GSE1: variants seen among roughly 807,000 people sequenced by gnomAD.
The protein encoded by GSE1 is Gse1 coiled-coil protein.
Under a neutral mutation model 112.6 loss-of-function variants are expected in GSE1, and 32 were observed. The observed-to-expected ratio is 0.28, with a 90% CI of 0.21 to 0.38. The LOEUF is 0.38. Among genes scored for constraint, GSE1 ranks in the 10% least tolerant of loss-of-function variants. The pLI is 1.00. For synonymous variants in GSE1, 1,115 were observed against 735.6 expected, an observed-to-expected ratio of 1.52 and a Z score of -8.35; for missense variants, 2,348 against 1,699.2, an observed-to-expected ratio of 1.38 and a Z score of -6.71.
chr16:85,520,867 G>T (rs77246309), intron 2 of GSE1, among the ~76,000 whole-genome samples: 3,921 of 152,276 alleles, frequency 0.026, 80 homozygotes, highest in South Asian at 0.1. Context: ...AAACAGGGCA[G>T]CGTCCTAAGT....
chr16:85,481,835 T>A (rs2050689767), intron 2 of GSE1, among the ~76,000 whole-genome samples: 1 of 152,114 alleles, frequency 6.6e-6, no homozygotes, highest in Non-Finnish European at 1.5e-5. Flanking sequence ...GGCCCAGAGA[T>A]GTTATTTGTG....
intron 1 of GSE1, among the ~76,000 whole-genome samples, chr16:85,356,546 G>A (rs775591686): frequency 3.3e-5 from 5 of 152,220 alleles, no homozygotes; most frequent in Admixed American, 6.5e-5. Flanking sequence ...AGCTTGTGGC[G>A]TAGAGCTGGT....
chr16:85,179,915 C>T (rs2074546949), intron 1 of GSE1, among the ~76,000 whole-genome samples: 1 of 152,222 alleles, frequency 6.6e-6, no homozygotes, highest in East Asian at 1.9e-4. Context: ...GTTTTCCCCT[C>T]TGGAAAATGG....
At chr16:85,645,550 C>T (rs760082861) in intron 2 of GSE1, among the ~76,000 whole-genome samples, 1 of 151,124 alleles carries the variant, frequency 6.6e-6, no homozygotes, top group Non-Finnish European at 1.5e-5. Flanking sequence ...AGTTCTGTTT[C>T]CACATCGGGA....
At chr16:85,195,087 C>A (rs1167638816) in intron 1 of GSE1, among the ~76,000 whole-genome samples, 1 of 152,118 alleles carries the variant, frequency 6.6e-6, no homozygotes, top group Non-Finnish European at 1.5e-5. Flanking sequence ...CAGGCATGTA[C>A]CTCTGCCTAC....
At chr16:85,506,303 A>G (rs117752856) in intron 2 of GSE1, among the ~76,000 whole-genome samples, 1,742 of 152,286 alleles carry the variant, frequency 0.011, 21 homozygotes, top group Admixed American at 0.02. Context: ...TTTTATTTCA[A>G]TAATTTAAAT....
chr16:85,169,569 G>A (rs2074326850), exon 1 of GSE1: 1 of 979,362 alleles, frequency 1.0e-6, no homozygotes, highest in African/African-American at 1.8e-5. Flanking sequence ...AGCGGCTCAT[G>A]GCAGCCGTGG....
intron 1 of GSE1, among the ~76,000 whole-genome samples, chr16:85,261,294 G>T (rs1907658118): frequency 6.6e-6 from 1 of 152,016 alleles, no homozygotes; most frequent in African/African-American, 2.4e-5. Context: ...GGGGGCAGGA[G>T]GCCTGGTGCC....
chr16:85,170,354 A>G (rs896436003), exon 1 of GSE1: 22 of 985,278 alleles, frequency 2.2e-5, no homozygotes, highest in African/African-American at 3.5e-5. Flanking sequence ...AGCATTCAGG[A>G]TCCCTGGCAA....
At chr16:85,301,923 G>A (rs1304209261) in intron 1 of GSE1, among the ~76,000 whole-genome samples, 1 of 152,210 alleles carries the variant, frequency 6.6e-6, no homozygotes, top group Non-Finnish European at 1.5e-5. Flanking sequence ...TGGAAATCAG[G>A]GTGCAGACCA....
At chr16:85,384,414 C>G (rs1030068897) in intron 2 of GSE1, among the ~76,000 whole-genome samples, 4 of 152,244 alleles carry the variant, frequency 2.6e-5, no homozygotes, top group African/African-American at 9.6e-5. Context: ...ACCATTCTCT[C>G]AACCTCTCTG....
intron 2 of GSE1, among the ~76,000 whole-genome samples, chr16:85,515,914 G>A (rs1187737372): frequency 6.6e-6 from 1 of 152,178 alleles, no homozygotes; most frequent in Non-Finnish European, 1.5e-5. Context: ...GTTCCCACCC[G>A]GAGCCTGGGA....
chr16:85,217,594 G>T (rs2075325445), intron 1 of GSE1, among the ~76,000 whole-genome samples: 1 of 152,222 alleles, frequency 6.6e-6, no homozygotes. Context: ...GGGGGATGAT[G>T]CCCTTGCCTG....
At chr16:85,544,930 G>A (rs2044645573) in intron 2 of GSE1, among the ~76,000 whole-genome samples, 1 of 152,248 alleles carries the variant, frequency 6.6e-6, no homozygotes, top group Non-Finnish European at 1.5e-5. Flanking sequence ...CTGTCACGGT[G>A]TCCACAGATG....
rs559917914 is a variant in GSE1, at chr16:85,519,980, T to C, written c.2465-113934T>C. Among the ~76,000 whole-genome samples, 6 of 152,216 alleles carry C rather than the reference T, an allele frequency of 3.9e-5. No individual in the cohort carries two copies. The South Asian group carries it at 8.3e-4, about 21-fold the overall frequency. Reference sequence around the variant, plus strand: ...GCTTCTCCTTATGACCCACGGTGCTTTGGGGCTTCTGGCCCTTCTGGGTGC... The same window carrying C: ...GCTTCTCCTTATGACCCACGGTGCTCTGGGGCTTCTGGCCCTTCTGGGTGC... On this transcript the variant is annotated intron_variant, in intron 2 of 2. Transcript: ENST00000637419.
chr16:85,512,911 G>T (rs192788246), intron 2 of GSE1, among the ~76,000 whole-genome samples: 77 of 152,200 alleles, frequency 5.1e-4, no homozygotes, highest in African/African-American at 1.8e-3. Context: ...AAGGCCTTGA[G>T]AGAGTTGGAA....
intron 2 of GSE1, among the ~76,000 whole-genome samples, chr16:85,534,274 AC>A (rs2044247259): frequency 6.6e-6 from 1 of 151,884 alleles, no homozygotes; most frequent in Non-Finnish European, 1.5e-5. Flanking sequence ...GGTGTGCGCC[AC>A]CACACCTGGC....
chr16:85,399,039 CAT>C (rs1447835211), intron 2 of GSE1, among the ~76,000 whole-genome samples: 1 of 152,096 alleles, frequency 6.6e-6, no homozygotes, highest in Non-Finnish European at 1.5e-5. Context: ...TTGGCAGACA[CAT>C]ATGCATGTGC....
intron 2 of GSE1, among the ~76,000 whole-genome samples, chr16:85,515,136 T>A (rs1019122639): frequency 3.3e-5 from 5 of 152,104 alleles, no homozygotes; most frequent in Non-Finnish European, 7.4e-5. Flanking sequence ...ATCTTGCTGC[T>A]CCCAGTGTGC....
Sources: allele counts gnomAD v4.1 joint callset (sites outside exome capture counted in the v4.1 genomes callset), GRCh38; gene constraint gnomAD v4.1.1; transcripts MANE v1.5; gene names NCBI Gene and HGNC (gene_info 2026-07-23, HGNC 2026-07-21).